ABCC4: variants seen among roughly 807,000 people sequenced by gnomAD.
ABCC4 encodes ATP binding cassette subfamily C member 4 (PEL blood group).
In ABCC4, 102 loss-of-function variants were observed where a neutral mutation model predicts 168.5. That is an observed-to-expected ratio of 0.61 (90% confidence interval 0.52 to 0.71). ABCC4 has a LOEUF of 0.71. Ranked by LOEUF, ABCC4 falls within the 30% of genes least tolerant of loss-of-function variation. The probability of loss-of-function intolerance (pLI) is 0.00; values close to 1 mark genes in which losing one functional copy is unlikely to be tolerated. For missense variants in ABCC4, 1,402 were observed against 1,605.8 expected, an observed-to-expected ratio of 0.87 and a Z score of 2.17; for synonymous variants, 617 against 590.7, an observed-to-expected ratio of 1.04 and a Z score of -0.65.
chr13:95,057,007 A>C (rs753667808), intron 26 of ABCC4, among the ~76,000 whole-genome samples: 67 of 152,310 alleles, frequency 4.4e-4, no homozygotes, highest in Non-Finnish European at 8.7e-4. Context: ...ATCCTAAAAA[A>C]AGTTTTGAAA....
intron 1 of ABCC4, chr13:95,269,433 AAATATAT>A (rs762777354): frequency 0.02 from 3,618 of 180,598 alleles, 70 homozygotes; most frequent in Non-Finnish European, 0.03. Flanking sequence ...CTCAAAAAAA[AAATATAT>A]ATATATATAT....
chr13:95,036,827 T>C (rs1183388546), intron 29 of ABCC4, among the ~76,000 whole-genome samples: 1 of 152,170 alleles, frequency 6.6e-6, no homozygotes. Context: ...CTCACGCCTA[T>C]AATCCTAGCA....
intron 4 of ABCC4, among the ~76,000 whole-genome samples, chr13:95,222,996 A>G (rs529150018): frequency 1.1e-4 from 16 of 152,312 alleles, no homozygotes; most frequent in Admixed American, 2.0e-4. Flanking sequence ...TGAGCACTAA[A>G]AAAGAGTTAA....
intron 27 of ABCC4, among the ~76,000 whole-genome samples, chr13:95,051,157 C>T (rs369309366): frequency 4.6e-5 from 7 of 152,118 alleles, no homozygotes; most frequent in Admixed American, 1.3e-4. Flanking sequence ...GTGAAGTAAT[C>T]GACCTAATTT....
chr13:95,217,947 T>C (rs2039171196), intron 4 of ABCC4, among the ~76,000 whole-genome samples: 1 of 152,168 alleles, frequency 6.6e-6, no homozygotes, highest in Non-Finnish European at 1.5e-5. Context: ...GGTATCTCTT[T>C]ATTCTCATCA....
intron 19 of ABCC4, among the ~76,000 whole-genome samples, chr13:95,125,201 T>C (rs2035715267): frequency 6.6e-6 from 1 of 152,180 alleles, no homozygotes. Context: ...AAAGGTGTGC[T>C]CATGTCAACA....
intron 1 of ABCC4, among the ~76,000 whole-genome samples, chr13:95,286,754 C>T (rs1444378316): frequency 1.3e-5 from 2 of 151,214 alleles, no homozygotes; most frequent in Non-Finnish European, 2.9e-5. Flanking sequence ...GTCAGGAGTT[C>T]GAGACCAGCC....
intron 25 of ABCC4, among the ~76,000 whole-genome samples, chr13:95,067,151 C>T (rs527724570): frequency 6.6e-6 from 1 of 152,270 alleles, no homozygotes; most frequent in African/African-American, 2.4e-5. Flanking sequence ...AACTCAAATA[C>T]ATCGCTGTGC....
intron 19 of ABCC4, among the ~76,000 whole-genome samples, chr13:95,159,093 T>TTTTATA (rs1555323082): frequency 9.8e-5 from 6 of 61,028 alleles, no homozygotes; most frequent in Admixed American, 7.4e-4. Flanking sequence ...TAAATAAATT[T>TTTTATA]TATATATATA....
intron 20 of ABCC4, among the ~76,000 whole-genome samples, chr13:95,113,819 T>G (rs1594117150): frequency 6.6e-6 from 1 of 152,334 alleles, no homozygotes; most frequent in East Asian, 1.9e-4. Flanking sequence ...CACGTTTCAC[T>G]TGATTCTTCC....
intron 1 of ABCC4, among the ~76,000 whole-genome samples, chr13:95,258,457 C>T (rs1202539236): frequency 1.3e-5 from 2 of 152,190 alleles, no homozygotes; most frequent in Non-Finnish European, 2.9e-5. Context: ...AAGTCCTACC[C>T]TTGTGTACAA....
At chr13:95,210,351 T>C (rs1338064458) in intron 5 of ABCC4, among the ~76,000 whole-genome samples, 1 of 152,250 alleles carries the variant, frequency 6.6e-6, no homozygotes, top group Non-Finnish European at 1.5e-5. Flanking sequence ...GCAATCCTTT[T>C]GTAGTTCATG....
intron 20 of ABCC4, among the ~76,000 whole-genome samples, chr13:95,101,123 C>T (rs901290260): frequency 2.6e-5 from 4 of 152,180 alleles, no homozygotes; most frequent in Admixed American, 1.3e-4. Flanking sequence ...CCCTCCCACC[C>T]CCCTAGGGAA....
chr13:95,189,006 G>GCATGC (rs2038161716), intron 9 of ABCC4, among the ~76,000 whole-genome samples: 1 of 151,686 alleles, frequency 6.6e-6, no homozygotes, highest in East Asian at 1.9e-4. Flanking sequence ...TTTAAGCCCT[G>GCATGC]CATGCATTAT....
chr13:95,156,550 C>T (rs572993148), intron 19 of ABCC4, among the ~76,000 whole-genome samples: 12 of 152,276 alleles, frequency 7.9e-5, no homozygotes, highest in South Asian at 4.1e-4. Flanking sequence ...TGGAACAGAA[C>T]GGAAACAGGG....
intron 10 of ABCC4, 60 bp downstream of exon 10, chr13:95,188,393 C>T (rs1353917634): frequency 1.4e-5 from 21 of 1,513,192 alleles, no homozygotes; most frequent in Non-Finnish European, 1.8e-5. Context: ...GGGCTCAAAC[C>T]CACGAAGTTA....
chr13:95,295,553 G>C (rs1164137440), intron 1 of ABCC4, among the ~76,000 whole-genome samples: 1 of 152,034 alleles, frequency 6.6e-6, no homozygotes, highest in Non-Finnish European at 1.5e-5. Flanking sequence ...AGCTACTCAG[G>C]AGGCTGAGAC....
At chr13:95,270,369 A>AAAGC (rs2040818044) in intron 1 of ABCC4, among the ~76,000 whole-genome samples, 3 of 149,500 alleles carry the variant, frequency 2.0e-5, no homozygotes, top group Admixed American at 1.3e-4. Flanking sequence ...AAAGAAAAGA[A>AAAGC]AAATAGGAAA....
chr13:95,087,136 G>A (rs1033386867), intron 20 of ABCC4, among the ~76,000 whole-genome samples: 2 of 152,026 alleles, frequency 1.3e-5, no homozygotes, highest in Non-Finnish European at 2.9e-5. Flanking sequence ...TTTTTGATCA[G>A]TAAGGTGTTT....
Sources: allele counts gnomAD v4.1 joint callset (sites outside exome capture counted in the v4.1 genomes callset), GRCh38; gene constraint gnomAD v4.1.1; transcripts MANE v1.5; gene names NCBI Gene and HGNC (gene_info 2026-07-23, HGNC 2026-07-21).